Variants in PTPRD observed in about 807,000 individuals in gnomAD.
PTPRD encodes protein tyrosine phosphatase receptor type D, also known as receptor-type tyrosine-protein phosphatase delta.
A neutral mutation model predicts 214.5 loss-of-function variants in PTPRD; 34 were observed. The ratio of observed to expected loss-of-function variants is 0.16; its 90% CI spans 0.12 to 0.21. The LOEUF (loss-of-function observed/expected upper bound fraction) is 0.21. Ranked by LOEUF, PTPRD falls within the 10% of genes least tolerant of loss-of-function variation. The pLI, the probability that PTPRD is intolerant of heterozygous loss-of-function variation, is 1.00. For synonymous variants in PTPRD, 1,128 were observed against 845.7 expected (o/e 1.33, Z -5.79); for missense variants, 2,545 against 2,398.7 (o/e 1.06, Z -1.27).
intron 8 of PTPRD, among the ~76,000 whole-genome samples, chr9:9,417,967 C>T (rs1266142125): frequency 1.3e-5 from 2 of 152,044 alleles, no homozygotes; most frequent in Admixed American, 6.6e-5. Context: ...CAATTGTCAT[C>T]TGATTTTGGT....
At chr9:8,442,145 G>T (rs1269582037) in intron 34 of PTPRD, among the ~76,000 whole-genome samples, 1 of 152,134 alleles carries the variant, frequency 6.6e-6, no homozygotes, top group Admixed American at 6.5e-5. Context: ...AAGTTTCCAA[G>T]AAAACATGAA....
chr9:8,468,338 C>A (rs2096584235), intron 31 of PTPRD, among the ~76,000 whole-genome samples: 1 of 152,032 alleles, frequency 6.6e-6, no homozygotes, highest in African/African-American at 2.4e-5. Context: ...TACAACAAGC[C>A]TTTGAAGTAC....
chr9:8,969,849 A>C (rs2099225761), intron 11 of PTPRD, among the ~76,000 whole-genome samples: 1 of 152,034 alleles, frequency 6.6e-6, no homozygotes. Flanking sequence ...CTTTTTATAG[A>C]GTTTACATTC....
At chr9:9,758,867 A>G (rs538649144) in intron 6 of PTPRD, among the ~76,000 whole-genome samples, 24 of 152,148 alleles carry the variant, frequency 1.6e-4, no homozygotes, top group African/African-American at 5.5e-4. Flanking sequence ...ATTTAAAATA[A>G]TCAAAACTAA....
intron 9 of PTPRD, among the ~76,000 whole-genome samples, chr9:9,193,331 G>A (rs1470147035): frequency 6.6e-6 from 1 of 152,024 alleles, no homozygotes; most frequent in Non-Finnish European, 1.5e-5. Context: ...TGATAATTAT[G>A]CTATTTGAAG....
chr9:8,928,948 T>C (rs1490766624), intron 11 of PTPRD, among the ~76,000 whole-genome samples: 1 of 152,150 alleles, frequency 6.6e-6, no homozygotes, highest in Non-Finnish European at 1.5e-5. Context: ...ATTCTCTTTG[T>C]AGCAATTGTG....
intron 12 of PTPRD, among the ~76,000 whole-genome samples, chr9:8,695,440 G>C (rs914733984): frequency 6.6e-6 from 1 of 151,516 alleles, no homozygotes; most frequent in Non-Finnish European, 1.5e-5. Context: ...TAGAATGAGA[G>C]TAGATAAAAT....
chr9:9,254,120 A>AT (rs2099976674), intron 9 of PTPRD, among the ~76,000 whole-genome samples: 1 of 152,084 alleles, frequency 6.6e-6, no homozygotes, highest in African/African-American at 2.4e-5. Flanking sequence ...AATTAATTAC[A>AT]TCTTCTAAGC....
At chr9:10,556,360 C>A (rs2062592090) in intron 2 of PTPRD, among the ~76,000 whole-genome samples, 1 of 151,850 alleles carries the variant, frequency 6.6e-6, no homozygotes, top group Non-Finnish European at 1.5e-5. Context: ...AGGAGATATG[C>A]TAAACCTGGT....
intron 5 of PTPRD, among the ~76,000 whole-genome samples, chr9:9,914,348 T>G (rs1215234873): frequency 6.6e-6 from 1 of 152,106 alleles, no homozygotes; most frequent in South Asian, 2.1e-4. Context: ...GGCACACCCA[T>G]GGGCCAGGAA....
chr9:8,337,913 G>T (rs535063821), intron 43 of PTPRD, among the ~76,000 whole-genome samples: 2 of 151,024 alleles, frequency 1.3e-5, no homozygotes, highest in African/African-American at 4.9e-5. Flanking sequence ...TTACACTCAA[G>T]ACCTAGAGAT....
At chr9:9,857,958 A>G (rs2061884710) in intron 5 of PTPRD, among the ~76,000 whole-genome samples, 1 of 152,244 alleles carries the variant, frequency 6.6e-6, no homozygotes, top group Non-Finnish European at 1.5e-5. Context: ...AAATAATTTT[A>G]AGTGAGTGAA....
chr9:9,454,605 C>G (rs1265609848), intron 8 of PTPRD, among the ~76,000 whole-genome samples: 1 of 151,472 alleles, frequency 6.6e-6, no homozygotes, highest in Non-Finnish European at 1.5e-5. Context: ...TTTGAATAGC[C>G]AAAAGAAATT....
At chr9:10,096,857 GT>G (rs1207564875) in intron 3 of PTPRD, among the ~76,000 whole-genome samples, 1 of 151,926 alleles carries the variant, frequency 6.6e-6, no homozygotes, top group African/African-American at 2.4e-5. Flanking sequence ...TTCTTCTAGG[GT>G]TTTTATGCTT....
At chr9:8,377,249 T>C (rs2083524344) in intron 37 of PTPRD, among the ~76,000 whole-genome samples, 1 of 152,004 alleles carries the variant, frequency 6.6e-6, no homozygotes, top group Non-Finnish European at 1.5e-5. Context: ...ACAAGATAAA[T>C]GTTATTTGTA....
rs202096293 is a variant in PTPRD at position 9,936,410 on chromosome 9, C to A, written c.-368+2097G>T. 3.2e-4 allele frequency among the ~76,000 whole-genome samples: 49 copies of A among 151,900 alleles called. No homozygotes were observed. In the South Asian group the frequency reaches 3.3e-3, roughly 10 times the overall value. On this transcript the variant is annotated intron_variant, in intron 5 of 45. Transcript: ENST00000381196. ...AAAAACAACCCAATTAAAAAGTGGGCGAAGGACATGAACAGACACTTCTCA... is the reference window on the plus strand; with the variant it reads ...AAAAACAACCCAATTAAAAAGTGGGAGAAGGACATGAACAGACACTTCTCA...
intron 8 of PTPRD, among the ~76,000 whole-genome samples, chr9:9,439,893 A>C (rs57321633): frequency 0.42 from 63,950 of 151,956 alleles, 13,899 homozygotes; most frequent in Middle Eastern, 0.58. Flanking sequence ...TAATTTTTCC[A>C]GTGTCTTGCA....
chr9:9,683,730 G>T (rs1266734676), intron 7 of PTPRD, among the ~76,000 whole-genome samples: 2 of 151,576 alleles, frequency 1.3e-5, no homozygotes, highest in East Asian at 1.9e-4. Flanking sequence ...ACATAAAAAG[G>T]TAAGAATTCA....
intron 2 of PTPRD, among the ~76,000 whole-genome samples, chr9:10,420,712 A>C (rs573365728): frequency 1.3e-5 from 2 of 151,990 alleles, no homozygotes; most frequent in South Asian, 4.1e-4. Flanking sequence ...AAAATGTTTT[A>C]TATTTCAACA....
Sources: gnomAD v4.1 joint callset for allele counts (sites outside exome capture counted in the v4.1 genomes callset) on GRCh38, gnomAD v4.1.1 for gene constraint, MANE v1.5 for transcripts, NCBI Gene and HGNC (gene_info 2026-07-23, HGNC 2026-07-21) for gene names.